The following KMT2C variants were observed in gnomAD, a reference collection of about 807,000 sequenced individuals.
KMT2C encodes the protein histone-lysine N-methyltransferase 2C.
Under a neutral mutation model 507.9 loss-of-function variants are expected in KMT2C, and 88 were observed. The observed-to-expected ratio is 0.17, with a 90% CI of 0.15 to 0.21. KMT2C has a LOEUF of 0.21. KMT2C is among the 10% of genes least tolerant of loss of function. KMT2C has a pLI of 1.00. For missense variants in KMT2C, 4,954 were observed against 5,957.8 expected (o/e 0.83, Z 5.55); for synonymous variants, 2,049 against 2,080.8 (o/e 0.98, Z 0.42).
chr7:152,321,026 C>T (rs1227064464), intron 3 of KMT2C, among the ~76,000 whole-genome samples: 1 of 151,772 alleles, frequency 6.6e-6, no homozygotes, highest in African/African-American at 2.4e-5. Flanking sequence ...CTGAGGTCAG[C>T]AGTTTGAGAC....
chr7:152,391,142 C>CAGAAAAA (rs2097492080), intron 1 of KMT2C, among the ~76,000 whole-genome samples: 1 of 34,766 alleles, frequency 2.9e-5, no homozygotes, highest in Non-Finnish European at 4.9e-5. Flanking sequence ...AGACTGTCTC[C>CAGAAAAA]AAAAAAAAAA....
chr7:152,165,640 T>A (rs953933906), intron 42 of KMT2C, among the ~76,000 whole-genome samples: 7 of 152,212 alleles, frequency 4.6e-5, no homozygotes, highest in Admixed American at 4.6e-4. Flanking sequence ...CCTAATCTAA[T>A]AGTTATAAGC....
chr7:152,187,781 G>C lies in KMT2C; in HGVS notation c.4727C>G (p.Ser1576Cys), dbSNP rs1328447994. Residue 1576 changes from serine to cysteine, a missense_variant, in exon 32 of 59, where the codon TCT becomes TGT. This residue lies in a region of KMT2C where 195 missense variants were observed against 183.7 expected (regional missense o/e 1.06). Coordinates refer to ENST00000262189, the MANE Select transcript of KMT2C (RefSeq NM_170606.3). ...IGSSPHLPHN[S>C]LPPGSGLGTF... ...TCCCAGTCCGCTTCCAGGTGGCAAA[G>C]AATTATGTGGGAGATGAGGACTGGA... The C allele has an allele frequency of 6.2e-7, 1 of 1,614,080 alleles. No individual in the cohort carries two copies. The highest frequency in any genetic ancestry group is 8.5e-7 in the Non-Finnish European group (1 of 1,179,950).
At chr7:152,434,663 C>T (rs1016314868) in intron 1 of KMT2C, among the ~76,000 whole-genome samples, 3 of 152,140 alleles carry the variant, frequency 2.0e-5, no homozygotes, top group African/African-American at 4.8e-5. Context: ...ACGGCACACG[C>T]GAGAGCCACA....
chr7:152,218,884 T>C (rs1588312183), intron 23 of KMT2C, among the ~76,000 whole-genome samples: 1 of 152,262 alleles, frequency 6.6e-6, no homozygotes, highest in East Asian at 1.9e-4. Flanking sequence ...GGTAATCAAG[T>C]GGCTCACTCA....
chr7:152,384,667 G>C, intron 1 of KMT2C, among the ~76,000 whole-genome samples: 1 of 149,296 alleles, frequency 6.7e-6, no homozygotes, highest in African/African-American at 2.5e-5. Context: ...TTGTCTTTGG[G>C]TATTTCCAGA....
At position 152,360,083 on chromosome 7, in the gene KMT2C, G is replaced by C. The variant is rs1311985329; in HGVS notation, c.162-1408C>G. Among the ~76,000 whole-genome samples the C allele has an allele frequency of 6.9e-3, 468 of 68,106 alleles. 19 individuals are homozygous for C. The highest frequency in any genetic ancestry group is 0.028 in the African/African-American group (438 of 15,880). 44.7% of individuals were successfully genotyped at this position (68,106 alleles called of 152,430 possible). ...CAAAAAAAAGGGGGGTGGGGGGGGG[G>C]GGACAATATGAAATAAAAGAATAAT... is the stretch of plus-strand genomic sequence containing the variant. On this transcript the variant is annotated intron_variant, in intron 1 of 58. Coordinates refer to ENST00000262189, the MANE Select transcript of KMT2C (RefSeq NM_170606.3).
chr7:152,253,167 C>G (rs374593722), intron 9 of KMT2C, among the ~76,000 whole-genome samples: 5 of 151,906 alleles, frequency 3.3e-5, no homozygotes, highest in African/African-American at 9.7e-5. Flanking sequence ...AGGGTATACA[C>G]CTTTTAAAAA....
intron 11 of KMT2C, 100 bp from the exon 12 acceptor site, chr7:152,251,066 C>T (rs2095555315): frequency 4.7e-6 from 3 of 642,484 alleles, no homozygotes; most frequent in Non-Finnish European, 8.2e-6. Context: ...CAAATCATCA[C>T]CAAAAATGCT....
chr7:152,174,958 C>G (rs999808830), intron 38 of KMT2C, among the ~76,000 whole-genome samples: 7 of 152,120 alleles, frequency 4.6e-5, no homozygotes, highest in African/African-American at 1.7e-4. Flanking sequence ...AGCTTTATTT[C>G]CATCATAATT....
At chr7:152,418,861 C>CAAA (rs113222244) in intron 1 of KMT2C, among the ~76,000 whole-genome samples, 3 of 132,260 alleles carry the variant, frequency 2.3e-5, no homozygotes, top group Non-Finnish European at 5.0e-5. Flanking sequence ...AGTAGTATCA[C>CAAA]AAAAAAAAAA....
chr7:152,175,435 A>G (rs2093159351), intron 38 of KMT2C, among the ~76,000 whole-genome samples: 1 of 152,010 alleles, frequency 6.6e-6, no homozygotes, highest in South Asian at 2.1e-4. Flanking sequence ...CGTCATCTAC[A>G]TTAGGTATTT....
At chr7:152,287,080 C>T (rs931639941) in intron 6 of KMT2C, among the ~76,000 whole-genome samples, 9 of 152,220 alleles carry the variant, frequency 5.9e-5, no homozygotes, top group African/African-American at 2.2e-4. Context: ...CCAACTGGGA[C>T]ACAGGACATT....
In KMT2C at chr7:152,218,289, G is replaced by A. The variant is rs193087932; in HGVS notation, c.3712+2234C>T. On this transcript the variant is annotated intron_variant, in intron 23 of 58. Transcript: ENST00000262189. The stretch of plus-strand genomic sequence containing the variant: ...AAGCAATCCTCTGCCTCTGCCTCCC[G>A]AGTAGCTGGGATTACAGGTGCCTGC... Among the ~76,000 whole-genome samples the A allele has an allele frequency of 8.8e-3, 1,338 of 152,018 alleles. 21 individuals carry two copies. Among genetic ancestry groups the A allele is most frequent in the African/African-American group, 0.03 (1,259 of 41,452 alleles).
At chr7:152,207,679 C>A (rs1247268662) in intron 23 of KMT2C, among the ~76,000 whole-genome samples, 2 of 152,028 alleles carry the variant, frequency 1.3e-5, no homozygotes, top group Non-Finnish European at 2.9e-5. Context: ...CTGTTAAGTG[C>A]AATCCATTTG....
intron 1 of KMT2C, among the ~76,000 whole-genome samples, chr7:152,424,441 GAAAC>G (rs2097797889): frequency 1.3e-5 from 2 of 151,958 alleles, no homozygotes; most frequent in Admixed American, 1.3e-4. Context: ...GTGAGAGAGA[GAAAC>G]AAGGTTTCAC....
intron 6 of KMT2C, among the ~76,000 whole-genome samples, chr7:152,288,261 C>T (rs1243994244): frequency 2.7e-5 from 4 of 145,942 alleles, no homozygotes; most frequent in Admixed American, 6.8e-5. Context: ...TGGCCAGGTG[C>T]GGTCGCTCAG....
intron 1 of KMT2C, among the ~76,000 whole-genome samples, chr7:152,415,834 C>T (rs2097729464): frequency 1.3e-5 from 2 of 152,170 alleles, no homozygotes; most frequent in Admixed American, 1.3e-4. Context: ...AAGCCAAGAT[C>T]GTGCCACGGC....
At chr7:152,378,916 T>C (rs1219937231) in intron 1 of KMT2C, among the ~76,000 whole-genome samples, 1 of 152,200 alleles carries the variant, frequency 6.6e-6, no homozygotes, top group East Asian at 1.9e-4. Context: ...AGCTCTATCT[T>C]CCTTACAAAT....
Sources: allele counts gnomAD v4.1 joint callset (sites outside exome capture counted in the v4.1 genomes callset), GRCh38; gene constraint gnomAD v4.1.1; regional missense constraint gnomAD v4.1.1; transcripts MANE v1.5; gene names NCBI Gene and HGNC (gene_info 2026-07-23, HGNC 2026-07-21).